GBP7: variants seen among roughly 807,000 people sequenced by gnomAD.
The protein encoded by GBP7 is guanylate-binding protein 7.
In GBP7, 43 loss-of-function variants were observed where a neutral mutation model predicts 61.3. That is an observed-to-expected ratio of 0.70 (90% confidence interval 0.55 to 0.91). The LOEUF is 0.91. Ranked by LOEUF, GBP7 falls within the 40% of genes least tolerant of loss-of-function variation. The pLI, the probability that GBP7 is intolerant of heterozygous loss-of-function variation, is 0.00. For synonymous variants in GBP7, 267 were observed against 271.0 expected (o/e 0.99, Z 0.14); for missense variants, 717 against 740.5 (o/e 0.97, Z 0.37).
rs1315465698 is a variant in GBP7 at position 89,152,412 on chromosome 1, C to T, written c.481G>A (p.Asp161Asn). ...AACTCGCTGGAGTCCTCAACTTCAT[C>T]AGGTCTGGGGCACGATTTTGCCCTG... ...LIRAKSCPRP[D>N]EVEDSSEFVS... The change falls in exon 5 of 11, where the codon GAT becomes AAT. Residue 161 changes from aspartate to asparagine, a missense_variant. Physicochemically the swap from Asp to Asn is conservative, Grantham distance 23. This residue lies in a region of GBP7 where 387 missense variants were observed against 385.2 expected (regional missense o/e 1.00). Coordinates refer to ENST00000294671, the MANE Select transcript of GBP7 (RefSeq NM_207398.3). The T allele has an allele frequency of 6.2e-7, 1 of 1,614,060 alleles. No individual in the cohort carries two copies. Among genetic ancestry groups the T allele is most frequent in the Admixed American group, 1.7e-5 (1 of 60,004 alleles).
In GBP7 at chr1:89,171,772, A is replaced by G. The variant is rs770887838; in HGVS notation, c.164T>C (p.Met55Thr). The G allele has an allele frequency of 2.5e-6, 4 of 1,612,502 alleles. No individual in the cohort carries two copies. The Admixed American group carries it at 5.0e-5, about 20-fold the overall frequency. The change falls in exon 2 of 11, where the codon ATG (methionine) becomes ACG (threonine). Residue 55 changes from methionine to threonine, a missense_variant. Met to Thr is a moderately conservative substitution (Grantham distance 81). Coordinates refer to ENST00000294671, the MANE Select transcript of GBP7 (RefSeq NM_207398.3). ...GLYRTGKSYL[M>T]NKLAGKNKGF... The stretch of plus-strand genomic sequence containing the variant: ...TTTGTTCTTCCCAGCCAGCTTGTTC[A>G]TTAGGTAGGATTTGCCTGTGCGGTA...
chr1:89,147,522 C>T, intron 8 of GBP7, 45 bp downstream of exon 8: 1 of 1,497,836 alleles, frequency 6.7e-7, no homozygotes. Flanking sequence ...CGAAGACCCT[C>T]TGACTATCCT....
chr1:89,156,146 C>T (rs60980496), intron 3 of GBP7, among the ~76,000 whole-genome samples: 3,263 of 152,208 alleles, frequency 0.021, 34 homozygotes, highest in Middle Eastern at 0.048. Flanking sequence ...TACAGACAAG[C>T]GAATGCTGAG....
At chr1:89,133,603 G>T in intron 9 of GBP7, 152 bp from the exon 10 acceptor site, 1 of 644,018 alleles carries the variant, frequency 1.6e-6, no homozygotes. Flanking sequence ...ACTTCAGAAG[G>T]AAGGCATTGA....
At chr1:89,140,759 C>T (rs537803510) in intron 9 of GBP7, among the ~76,000 whole-genome samples, 1 of 152,254 alleles carries the variant, frequency 6.6e-6, no homozygotes, top group East Asian at 1.9e-4. Flanking sequence ...GCATGTTCAT[C>T]GGTGCACTAT....
rs369406982 is a variant in GBP7, at chr1:89,144,875, T to C, written c.1365+2692A>G. 3.7e-4 allele frequency among the ~76,000 whole-genome samples: 56 copies of C among 152,092 alleles called. 6 individuals carry two copies. The highest frequency in any genetic ancestry group is 9.2e-4 in the Admixed American group (14 of 15,266). ...ATAACTGAATGTTTGTACCTACTGA[T>C]CACTATTTCCCCTTTCCTCCTACCC... On this transcript the variant is annotated intron_variant, in intron 8 of 10. Coordinates refer to ENST00000294671, the MANE Select transcript of GBP7 (RefSeq NM_207398.3).
intron 9 of GBP7, among the ~76,000 whole-genome samples, chr1:89,138,557 G>A (rs1171355207): frequency 5.1e-4 from 78 of 152,034 alleles, no homozygotes; most frequent in Non-Finnish European, 3.2e-4. Flanking sequence ...CTTTGGTAAA[G>A]CTAACAAAAA....
chr1:89,159,172 A>G (rs1682379216), intron 3 of GBP7, among the ~76,000 whole-genome samples: 1 of 152,226 alleles, frequency 6.6e-6, no homozygotes, highest in Non-Finnish European at 1.5e-5. Context: ...TAGAAAGCTG[A>G]AACTGGATCC....
intron 3 of GBP7, among the ~76,000 whole-genome samples, chr1:89,161,332 C>CT (rs1298091726): frequency 6.6e-6 from 1 of 152,084 alleles, no homozygotes; most frequent in Non-Finnish European, 1.5e-5. Flanking sequence ...GTCTTTAGGT[C>CT]TTTGAGTAGT....
chr1:89,167,709 A>G (rs1159730405), intron 2 of GBP7, among the ~76,000 whole-genome samples: 1 of 152,202 alleles, frequency 6.6e-6, no homozygotes, highest in Non-Finnish European at 1.5e-5. Flanking sequence ...CATCTGCCAC[A>G]CTTAAGAAAA....
intron 3 of GBP7, among the ~76,000 whole-genome samples, chr1:89,159,634 G>C (rs1682390294): frequency 6.6e-6 from 1 of 152,196 alleles, no homozygotes; most frequent in South Asian, 2.1e-4. Context: ...CTGGCCATCA[G>C]AGAAATGCAA....
chr1:89,149,714 A>G, intron 6 of GBP7, 142 bp from the exon 7 acceptor site: 1 of 629,270 alleles, frequency 1.6e-6, no homozygotes, highest in Non-Finnish European at 2.7e-6. Context: ...CAATTCTACT[A>G]TTACTACTAC....
intron 7 of GBP7, 87 bp from the exon 8 acceptor site, chr1:89,147,866 A>C (rs1158397080): frequency 6.2e-5 from 84 of 1,363,918 alleles, no homozygotes; most frequent in Middle Eastern, 2.5e-4. Context: ...AAGTAGTCTC[A>C]TGGCCTCAGA....
Position 89,132,280 on chromosome 1 carries a change from TCTGTGAAAACACTGAGGG to T in GBP7, c.1768_1785del (p.Pro590_Gln595del). On this transcript the variant is annotated inframe_deletion, in exon 11 of 11. Transcript: ENST00000294671. ...AATATACTGCCAGCCACATCAAGAA[TCTGTGAAAACACTGAGGG>T]CTCTTCATTTTCAGCTGCTTCAATT... The T allele has an allele frequency of 6.2e-7, 1 of 1,614,060 alleles. No homozygotes were observed. The highest frequency in any genetic ancestry group is 8.5e-7 in the Non-Finnish European group (1 of 1,179,986).
intron 3 of GBP7, among the ~76,000 whole-genome samples, chr1:89,153,666 A>G (rs1279833122): frequency 1.3e-5 from 2 of 152,240 alleles, no homozygotes; most frequent in African/African-American, 4.8e-5. Flanking sequence ...AGCATTGTCA[A>G]CATAAAAATG....
chr1:89,148,145 A>C (rs553933345), intron 7 of GBP7, among the ~76,000 whole-genome samples: 1 of 152,342 alleles, frequency 6.6e-6, no homozygotes, highest in East Asian at 1.9e-4. Flanking sequence ...TAATGACTTG[A>C]TTGTACCCTG....
chr1:89,161,604 G>A (rs1395140236), intron 3 of GBP7, among the ~76,000 whole-genome samples: 1 of 151,416 alleles, frequency 6.6e-6, no homozygotes, highest in East Asian at 1.9e-4. Context: ...CATGTCTTTT[G>A]CCCACTTTTT....
intron 8 of GBP7, among the ~76,000 whole-genome samples, chr1:89,144,044 G>A (rs1322614259): frequency 6.6e-6 from 1 of 152,084 alleles, no homozygotes; most frequent in Non-Finnish European, 1.5e-5. Context: ...CCTCCCTCTT[G>A]TATTCCCCAG....
At position 89,171,962 on chromosome 1, in the gene GBP7, G is replaced by GA; in HGVS notation, c.-19-9dup. ...TTCAGGGCGTTCCTCTGTCTGCAAG[G>GA]AAAAAATGAAATGGAAAGTAATGTC... On this transcript the variant is annotated splice_polypyrimidine_tract_variant and intron_variant, in intron 1 of 10. Coordinates refer to ENST00000294671, the MANE Select transcript of GBP7 (RefSeq NM_207398.3). 6.3e-7 allele frequency: 1 copy of GA among 1,580,732 alleles called. No individual in the cohort carries two copies. The highest frequency in any genetic ancestry group is 8.6e-7 in the Non-Finnish European group (1 of 1,157,448).
Sources: allele counts gnomAD v4.1 joint callset (sites outside exome capture counted in the v4.1 genomes callset), GRCh38; gene constraint gnomAD v4.1.1; regional missense constraint gnomAD v4.1.1; transcripts MANE v1.5; gene names NCBI Gene and HGNC (gene_info 2026-07-23, HGNC 2026-07-21).